The following FER variants were observed in gnomAD, a reference collection of about 807,000 sequenced individuals.
The protein encoded by FER is FER tyrosine kinase, also known as tyrosine-protein kinase Fer.
In FER, 63 loss-of-function variants were observed where a neutral mutation model predicts 111.0. The ratio of observed to expected loss-of-function variants is 0.57; its 90% CI spans 0.46 to 0.70. The LOEUF (loss-of-function observed/expected upper bound fraction) is 0.70. Among genes scored for constraint, FER ranks in the 30% least tolerant of loss-of-function variants. FER has a pLI of 0.00. For synonymous variants in FER, 327 were observed against 313.9 expected, an observed-to-expected ratio of 1.04 and a Z score of -0.44; for missense variants, 914 against 954.0, an observed-to-expected ratio of 0.96 and a Z score of 0.55.
intron 8 of FER, among the ~76,000 whole-genome samples, chr5:108,881,725 A>G (rs570898432): frequency 1.3e-5 from 2 of 152,090 alleles, no homozygotes; most frequent in Non-Finnish European, 2.9e-5. Flanking sequence ...CTTTCTTTGC[A>G]TACATGAGGA....
At chr5:108,860,967 C>T (rs79868706) in intron 5 of FER, among the ~76,000 whole-genome samples, 33,069 of 152,004 alleles carry the variant, frequency 0.22, 3,756 homozygotes, top group African/African-American at 0.27. Flanking sequence ...ATCACAAGAA[C>T]AGCATGGGGG....
chr5:109,115,619 C>T (rs1750136096), intron 17 of FER, among the ~76,000 whole-genome samples: 1 of 151,868 alleles, frequency 6.6e-6, no homozygotes, highest in Admixed American at 6.6e-5. Context: ...AGTAAGTTTC[C>T]TGCTAGTAAG....
chr5:108,792,789 A>G (rs1047322856), intron 2 of FER, among the ~76,000 whole-genome samples: 1 of 151,810 alleles, frequency 6.6e-6, no homozygotes, highest in African/African-American at 2.4e-5. Flanking sequence ...GTATCTAGAA[A>G]TATAATTTAT....
chr5:108,865,609 C>A (rs1335956939), intron 5 of FER, among the ~76,000 whole-genome samples: 2 of 152,168 alleles, frequency 1.3e-5, no homozygotes, highest in East Asian at 3.9e-4. Context: ...TAAAGAGCTT[C>A]TGCACAGCAA....
At chr5:108,888,975 T>C (rs1228571319) in intron 9 of FER, among the ~76,000 whole-genome samples, 2 of 151,842 alleles carry the variant, frequency 1.3e-5, no homozygotes, top group Non-Finnish European at 2.9e-5. Flanking sequence ...TAAGATAGTG[T>C]CTCTGAGTAT....
At chr5:108,917,073 G>C (rs1394732900) in intron 10 of FER, among the ~76,000 whole-genome samples, 1 of 152,008 alleles carries the variant, frequency 6.6e-6, no homozygotes, top group East Asian at 1.9e-4. Context: ...TTCATTGCCA[G>C]TCTTTATAAA....
rs200331310 is a variant in FER at position 108,976,106 on chromosome 5, T to C, written c.1656+16759T>C. On this transcript the variant is annotated intron_variant, in intron 13 of 19. Coordinates refer to ENST00000281092, the MANE Select transcript of FER (RefSeq NM_005246.4). ...GGTTTGGAGTAAATGAGAAAATATT[T>C]AGCATGCGACAAGGGCCTATGACAG... Among the ~76,000 whole-genome samples, 11 of 152,078 alleles carry C rather than the reference T, an allele frequency of 7.2e-5. No homozygotes were observed. The East Asian group carries it at 1.9e-3, about 27-fold the overall frequency.
intron 16 of FER, among the ~76,000 whole-genome samples, chr5:109,066,915 G>A (rs764433880): frequency 3.3e-5 from 5 of 152,142 alleles, no homozygotes; most frequent in Middle Eastern, 3.2e-3. Context: ...CAGAGGGATG[G>A]TAGCAGGTGG....
intron 1 of FER, among the ~76,000 whole-genome samples, chr5:108,760,923 C>T (rs1045581063): frequency 1.3e-5 from 2 of 150,682 alleles, no homozygotes; most frequent in East Asian, 3.9e-4. Context: ...CTTATTTTGG[C>T]TTTCTTTTCT....
intron 2 of FER, among the ~76,000 whole-genome samples, chr5:108,769,446 T>C (rs1401855833): frequency 6.6e-6 from 1 of 152,102 alleles, no homozygotes; most frequent in Non-Finnish European, 1.5e-5. Context: ...TAGGAAGAGA[T>C]TATAGAAATA....
chr5:108,991,322 G>T (rs78337268), intron 13 of FER, among the ~76,000 whole-genome samples: 20,372 of 151,688 alleles, frequency 0.13, 1,501 homozygotes, highest in Non-Finnish European at 0.17. Flanking sequence ...TATTGTTAAG[G>T]CAAAGGAAAA....
intron 2 of FER, among the ~76,000 whole-genome samples, chr5:108,794,698 A>T (rs1222395549): frequency 2.0e-5 from 3 of 151,432 alleles, no homozygotes; most frequent in Admixed American, 6.6e-5. Context: ...AGCACTTCAA[A>T]TATTTCATGC....
chr5:109,060,487 G>C (rs13357674), intron 16 of FER, among the ~76,000 whole-genome samples: 23,611 of 151,798 alleles, frequency 0.16, 1,902 homozygotes, highest in South Asian at 0.21. Flanking sequence ...AGATCAAGAC[G>C]ATCCAGGCCA....
rs760996302 is a variant in FER at position 108,954,932 on chromosome 5, T to C, written c.1533T>C (p.Asp511=). ...QRRHFIIQYV[D]NMYRFEGTGF... is the part of the protein sequence containing the mutation. ...GACATTTTATCATACAATATGTTGA[T>C]GTACGTTTCCAGTTTAGTTCATATG... Residue 511 remains aspartate (D), a splice_region_variant and synonymous_variant, in exon 12 of 20, where the codon GAT becomes GAC. Transcript: ENST00000281092. 1 of 1,603,080 alleles carries C rather than the reference T, an allele frequency of 6.2e-7. No homozygotes were observed. The highest frequency in any genetic ancestry group is 8.5e-7 in the Non-Finnish European group (1 of 1,174,542).
chr5:108,844,075 A>AAC (rs879519915), intron 5 of FER, among the ~76,000 whole-genome samples: 5,547 of 145,894 alleles, frequency 0.038, 225 homozygotes, highest in African/African-American at 0.048. Flanking sequence ...TATGTGTGTG[A>AAC]ACATATATGC....
chr5:109,148,414 C>G (rs1042673817), intron 17 of FER, among the ~76,000 whole-genome samples: 3 of 152,010 alleles, frequency 2.0e-5, no homozygotes, highest in African/African-American at 7.2e-5. Context: ...AACAAAGATG[C>G]TTTTTAAAAA....
chr5:109,191,702 ACT>A lies in FER; in HGVS notation c.*4130_*4131del, dbSNP rs1413462015. On this transcript the variant is annotated 3_prime_UTR_variant, in exon 20 of 20. Coordinates refer to ENST00000281092, the MANE Select transcript of FER (RefSeq NM_005246.4). ...AATAGCGTTACTTCTTTTATGACTA[ACT>A]CTGATTTGCTTATACATATCAGAAT... The A allele has an allele frequency of 6.6e-6, 1 of 152,138 alleles. No homozygotes were observed. The highest frequency in any genetic ancestry group is 2.4e-5 in the African/African-American group (1 of 41,438). 9.4% of individuals were successfully genotyped at this position (152,138 alleles called of 1,614,324 possible). A position where few individuals can be genotyped will look rare whatever the true frequency, so the allele number is the denominator to read the frequency against.
intron 19 of FER, among the ~76,000 whole-genome samples, chr5:109,186,970 T>C (rs1758945173): frequency 6.6e-6 from 1 of 152,218 alleles, no homozygotes; most frequent in Non-Finnish European, 1.5e-5. Context: ...GCTGAAACAC[T>C]GCCAACCAAC....
intron 16 of FER, among the ~76,000 whole-genome samples, chr5:109,094,048 A>G (rs996974317): frequency 1.3e-5 from 2 of 152,082 alleles, no homozygotes; most frequent in Non-Finnish European, 1.5e-5. Flanking sequence ...TTGGTGGCAA[A>G]CAGTGGGTTG....
Sources: allele counts gnomAD v4.1 joint callset (sites outside exome capture counted in the v4.1 genomes callset), GRCh38; gene constraint gnomAD v4.1.1; transcripts MANE v1.5; gene names NCBI Gene and HGNC (gene_info 2026-07-23, HGNC 2026-07-21).